Variants in CLYBL observed in about 807,000 individuals in gnomAD.
CLYBL encodes the protein citramalyl-CoA lyase, mitochondrial.
CLYBL carries 31 observed loss-of-function variants against 38.9 expected under a neutral mutation model. The ratio of observed to expected loss-of-function variants is 0.80; its 90% CI spans 0.60 to 1.08. The LOEUF (loss-of-function observed/expected upper bound fraction) is 1.08, where lower values mean the gene tolerates loss of function less well. Among genes scored for constraint, CLYBL ranks in the 50% least tolerant of loss-of-function variants. The pLI is 0.00. For synonymous variants in CLYBL, 171 were observed against 158.6 expected (o/e 1.08, Z -0.59); for missense variants, 434 against 411.6 (o/e 1.05, Z -0.47).
intron 1 of CLYBL, among the ~76,000 whole-genome samples, chr13:99,723,740 G>GAAA (rs2048427386): frequency 6.6e-6 from 1 of 152,190 alleles, no homozygotes; most frequent in African/African-American, 2.4e-5. Context: ...AATTGTCACA[G>GAAA]AAATGAAAAC....
chr13:99,760,475 C>G (rs1478188350), intron 1 of CLYBL, among the ~76,000 whole-genome samples: 1 of 152,218 alleles, frequency 6.6e-6, no homozygotes, highest in Non-Finnish European at 1.5e-5. Flanking sequence ...GCATTTCTTG[C>G]AGGGCAGCTC....
At chr13:99,610,331 A>G (rs1219287769) in intron 1 of CLYBL, among the ~76,000 whole-genome samples, 7 of 152,142 alleles carry the variant, frequency 4.6e-5, no homozygotes, top group African/African-American at 1.7e-4. Flanking sequence ...TCCTGTGTGT[A>G]TAGGTCATAC....
chr13:99,717,973 T>A (rs2048342250), intron 1 of CLYBL, among the ~76,000 whole-genome samples: 2 of 152,164 alleles, frequency 1.3e-5, no homozygotes, highest in South Asian at 4.2e-4. Flanking sequence ...GTTCACATTC[T>A]CTGTTTTTAA....
chr13:99,874,269 A>G (rs931552498), intron 7 of CLYBL, among the ~76,000 whole-genome samples: 4 of 152,306 alleles, frequency 2.6e-5, no homozygotes, highest in African/African-American at 9.6e-5. Flanking sequence ...TATTAATCAA[A>G]CTGACTTTCT....
downstream of CLYBL, among the ~76,000 whole-genome samples, chr13:99,899,774 C>T (rs979992942): frequency 1.3e-5 from 2 of 152,238 alleles, no homozygotes; most frequent in Middle Eastern, 3.4e-3. Flanking sequence ...TAGCATCATG[C>T]TTGGCACGTA....
intron 1 of CLYBL, among the ~76,000 whole-genome samples, chr13:99,614,130 C>T (rs1416633890): frequency 6.6e-6 from 1 of 151,960 alleles, no homozygotes; most frequent in Non-Finnish European, 1.5e-5. Context: ...GGGATGAGTG[C>T]AGGGCAGGAT....
At chr13:99,723,667 G>A (rs1011949630) in intron 1 of CLYBL, among the ~76,000 whole-genome samples, 2 of 152,128 alleles carry the variant, frequency 1.3e-5, no homozygotes, top group African/African-American at 2.4e-5. Context: ...ATGGGCACAC[G>A]GGCATCTTCA....
intron 1 of CLYBL, among the ~76,000 whole-genome samples, chr13:99,674,288 A>G (rs2047611814): frequency 6.6e-6 from 1 of 150,446 alleles, no homozygotes; most frequent in African/African-American, 2.5e-5. Context: ...AGTAGCTGGG[A>G]TTACAGGCAC....
intron 2 of CLYBL, among the ~76,000 whole-genome samples, chr13:99,794,581 T>TCTATTATTA (rs143645792): frequency 7.0e-6 from 1 of 143,842 alleles, no homozygotes; most frequent in African/African-American, 2.6e-5. Context: ...TATATTTTCA[T>TCTATTATTA]TTATTATTAT....
intron 1 of CLYBL, among the ~76,000 whole-genome samples, chr13:99,632,978 C>T (rs1282310230): frequency 7.3e-6 from 1 of 137,452 alleles, no homozygotes; most frequent in East Asian, 2.5e-4. Flanking sequence ...CAGTGTCTCA[C>T]ACCTGTAATC....
At chr13:99,613,947 A>G (rs1372269423) in intron 1 of CLYBL, among the ~76,000 whole-genome samples, 1 of 152,162 alleles carries the variant, frequency 6.6e-6, no homozygotes, top group African/African-American at 2.4e-5. Context: ...AGAGGGCCCA[A>G]TCCTCTCAGT....
At position 99,645,267 on chromosome 13, in the gene CLYBL, C is replaced by T. The variant is rs553381618; in HGVS notation, c.62+38510C>T. Among the ~76,000 whole-genome samples the T allele has an allele frequency of 1.2e-4, 18 of 152,202 alleles. No homozygotes were observed. The South Asian group carries it at 3.1e-3, about 26-fold the overall frequency. ...ATCCCAGCACTTTGGGAGGCTGATG[C>T]GGGTGGATCACGAGGTCAGGAGATC... On this transcript the variant is annotated intron_variant, in intron 1 of 8. Transcript: ENST00000339105.
chr13:99,645,640 T>C (rs1019269847), intron 1 of CLYBL, among the ~76,000 whole-genome samples: 1 of 152,200 alleles, frequency 6.6e-6, no homozygotes, highest in African/African-American at 2.4e-5. Flanking sequence ...GAGAAATATC[T>C]GTTCAGATCT....
chr13:99,848,668 C>T (rs891551023), intron 2 of CLYBL, among the ~76,000 whole-genome samples: 2 of 152,212 alleles, frequency 1.3e-5, no homozygotes, highest in Admixed American at 6.5e-5. Context: ...CACCACTCCC[C>T]ATTCCTCTGC....
At chr13:99,852,811 C>T (rs1354481777) in intron 2 of CLYBL, among the ~76,000 whole-genome samples, 2 of 152,110 alleles carry the variant, frequency 1.3e-5, no homozygotes, top group South Asian at 2.1e-4. Context: ...ACTATACACA[C>T]CTCCTATATT....
chr13:99,747,253 C>T (rs2048869087), intron 1 of CLYBL, among the ~76,000 whole-genome samples: 1 of 146,312 alleles, frequency 6.8e-6, no homozygotes, highest in Non-Finnish European at 1.5e-5. Flanking sequence ...TTCCTCCTCC[C>T]CTCCTCCTTC....
chr13:99,826,338 T>C (rs12864654), intron 2 of CLYBL, among the ~76,000 whole-genome samples: 8,325 of 152,238 alleles, frequency 0.055, 552 homozygotes, highest in African/African-American at 0.15. Context: ...CATCAATGCC[T>C]ACCTGAGTTT....
chr13:99,616,887 T>A (rs1345875155), intron 1 of CLYBL, among the ~76,000 whole-genome samples: 1 of 151,838 alleles, frequency 6.6e-6, no homozygotes, highest in Non-Finnish European at 1.5e-5. Context: ...ACCCAGGAGG[T>A]GGAGGTTGCA....
chr13:99,744,902 T>G (rs936509671), intron 1 of CLYBL, among the ~76,000 whole-genome samples: 3 of 152,206 alleles, frequency 2.0e-5, no homozygotes, highest in Admixed American at 1.3e-4. Flanking sequence ...CCACCTGCAT[T>G]GCTGCATCTG....
Sources: allele counts gnomAD v4.1 joint callset (sites outside exome capture counted in the v4.1 genomes callset), GRCh38; gene constraint gnomAD v4.1.1; transcripts MANE v1.5; gene names NCBI Gene and HGNC (gene_info 2026-07-23, HGNC 2026-07-21).